Variants in FBXO31 observed in about 807,000 individuals in gnomAD.
The protein encoded by FBXO31 is F-box only protein 31.
A neutral mutation model predicts 54.4 loss-of-function variants in FBXO31; 24 were observed. The ratio of observed to expected loss-of-function variants is 0.44; its 90% CI spans 0.32 to 0.62. FBXO31 has a LOEUF of 0.62. Among genes scored for constraint, FBXO31 ranks in the 20% least tolerant of loss-of-function variants. The probability of loss-of-function intolerance (pLI) is 0.05; values close to 1 mark genes in which losing one functional copy is unlikely to be tolerated. For synonymous variants in FBXO31, 388 were observed against 335.6 expected (o/e 1.16, Z -1.71); for missense variants, 665 against 787.1 (o/e 0.84, Z 1.86).
upstream of FBXO31, among the ~76,000 whole-genome samples, chr16:87,386,873 G>A (rs746200943): frequency 1.3e-5 from 2 of 152,202 alleles, no homozygotes; most frequent in Non-Finnish European, 2.9e-5. Flanking sequence ...AACCATAGAA[G>A]ATGGTTGGTG....
In FBXO31 at chr16:87,345,329, C is replaced by T. The variant is rs892336505; in HGVS notation, c.490-1564G>A. On this transcript the variant is annotated intron_variant, in intron 3 of 8. Coordinates refer to ENST00000311635, the MANE Select transcript of FBXO31 (RefSeq NM_024735.5). This position sits in a 1 kb window ranked among gnomAD's most constrained non-coding sequence, Gnocchi z 4.9. ...CTCCAGCAGGAGGGTGCGGGGAGGG[C>T]GGGAGGCAGGGTGGGAGGGAGGGAG... Among the ~76,000 whole-genome samples the T allele has an allele frequency of 4.7e-4, 5 of 10,546 alleles. No homozygotes were observed. The highest frequency in any genetic ancestry group is 1.2e-3 in the Admixed American group (1 of 812). 6.9% of individuals were successfully genotyped at this position (10,546 alleles called of 152,430 possible). A position where few individuals can be genotyped will look rare whatever the true frequency, so the allele number is the denominator to read the frequency against.
At position 87,383,315 on chromosome 16, in the gene FBXO31, G is replaced by A. The variant is rs1340980511; in HGVS notation, c.340+90C>T. 3 of 1,244,670 alleles carry A rather than the reference G, an allele frequency of 2.4e-6. No individual in the cohort carries two copies. The highest frequency in any genetic ancestry group is 3.2e-6 in the Non-Finnish European group (3 of 940,152). 77.1% of individuals were successfully genotyped at this position (1,244,670 alleles called of 1,614,324 possible). A position where few individuals can be genotyped will look rare whatever the true frequency, so the allele number is the denominator to read the frequency against. ...GCGCCCAACTGGTGGCCCCCGGCCG[G>A]GGCCACCGCCCCCGCCACTCCCAGC... is the stretch of plus-strand genomic sequence containing the variant. On this transcript the variant is annotated intron_variant, in intron 1 of 8. Coordinates refer to ENST00000311635, the MANE Select transcript of FBXO31 (RefSeq NM_024735.5). The surrounding 1 kb of genome is among the most constrained non-coding windows in gnomAD (Gnocchi z 4.9).
At chr16:87,353,783 C>T (rs1299181249) in intron 2 of FBXO31, among the ~76,000 whole-genome samples, 1 of 151,954 alleles carries the variant, frequency 6.6e-6, no homozygotes, top group African/African-American at 2.4e-5. Flanking sequence ...AAGGAGGCTC[C>T]GCAAGACCCT....
upstream of FBXO31, chr16:87,389,861 G>A (rs1022592952): frequency 3.3e-5 from 5 of 152,196 alleles, no homozygotes; most frequent in South Asian, 2.1e-4. Context: ...GGAAACCAGA[G>A]AGAATGTTTA....
intron 1 of FBXO31, among the ~76,000 whole-genome samples, chr16:87,368,882 C>T (rs920045002): frequency 6.6e-6 from 1 of 152,158 alleles, no homozygotes; most frequent in African/African-American, 2.4e-5. Flanking sequence ...TCACTGCAAC[C>T]TCCACCTCCC....
chr16:87,340,876 G>A (rs1905172388), intron 5 of FBXO31, among the ~76,000 whole-genome samples: 1 of 152,052 alleles, frequency 6.6e-6, no homozygotes. Flanking sequence ...AAAGGAATAA[G>A]AAAAAAACCT....
upstream of FBXO31, chr16:87,389,867 G>C (rs1298424160): frequency 6.6e-6 from 1 of 152,224 alleles, no homozygotes; most frequent in Non-Finnish European, 1.5e-5. Context: ...CAGAGAGAAT[G>C]TTTAAGTACT....
intron 2 of FBXO31, among the ~76,000 whole-genome samples, chr16:87,354,513 G>A (rs537139199): frequency 6.6e-6 from 1 of 151,154 alleles, no homozygotes; most frequent in Non-Finnish European, 1.5e-5. Flanking sequence ...CTTCACCAAC[G>A]TGCAGAGAAG....
At chr16:87,362,255 C>A (rs543391701) in intron 1 of FBXO31, among the ~76,000 whole-genome samples, 4 of 152,198 alleles carry the variant, frequency 2.6e-5, no homozygotes, top group South Asian at 4.2e-4. Context: ...TTTTATTTAA[C>A]TCAGCATAAC....
chr16:87,353,047 C>T (rs899305891), intron 2 of FBXO31, among the ~76,000 whole-genome samples: 7 of 152,126 alleles, frequency 4.6e-5, no homozygotes, highest in African/African-American at 7.2e-5. Context: ...GGGGACTCTA[C>T]GGAAGAAATT....
At chr16:87,332,058 T>G (rs1444149305) in intron 8 of FBXO31, among the ~76,000 whole-genome samples, 1 of 152,214 alleles carries the variant, frequency 6.6e-6, no homozygotes, top group Non-Finnish European at 1.5e-5. Flanking sequence ...ATGTCTGTCT[T>G]GCAAGCAGCT....
chr16:87,349,782 A>T (rs982420740), intron 2 of FBXO31, among the ~76,000 whole-genome samples: 1 of 150,610 alleles, frequency 6.6e-6, no homozygotes, highest in African/African-American at 2.5e-5. Flanking sequence ...TGGTGGCATG[A>T]GTTATGGTCC....
intron 2 of FBXO31, among the ~76,000 whole-genome samples, chr16:87,351,037 C>T (rs931912411): frequency 6.6e-6 from 1 of 152,208 alleles, no homozygotes; most frequent in Non-Finnish European, 1.5e-5. Flanking sequence ...CTGTGACGGC[C>T]ACCAAAACCA....
chr16:87,385,539 A>C (rs1907300307), upstream of FBXO31, among the ~76,000 whole-genome samples: 1 of 152,236 alleles, frequency 6.6e-6, no homozygotes, highest in Admixed American at 6.5e-5. Context: ...AACCACATAG[A>C]TAAATACATA....
intron 1 of FBXO31, among the ~76,000 whole-genome samples, chr16:87,361,014 C>T (rs1906109602): frequency 6.6e-6 from 1 of 152,202 alleles, no homozygotes; most frequent in Non-Finnish European, 1.5e-5. Context: ...TTTTCACAAT[C>T]ACCAACACCC....
intron 1 of FBXO31, among the ~76,000 whole-genome samples, chr16:87,369,300 TC>T (rs1012343312): frequency 2.6e-5 from 4 of 152,056 alleles, no homozygotes; most frequent in African/African-American, 9.7e-5. Flanking sequence ...AAGAACCTTT[TC>T]ATCTTCCCAG....
At chr16:87,370,408 C>A (rs901736067) in intron 1 of FBXO31, among the ~76,000 whole-genome samples, 1 of 152,252 alleles carries the variant, frequency 6.6e-6, no homozygotes, top group African/African-American at 2.4e-5. Flanking sequence ...GAGAAAGGCA[C>A]CACACTAAGA....
intron 8 of FBXO31, 59 bp downstream of exon 8, chr16:87,333,827 G>A: frequency 6.5e-7 from 1 of 1,528,242 alleles, no homozygotes; most frequent in South Asian, 1.3e-5. Flanking sequence ...TGGGGCTGGG[G>A]CCCTCGCTGA....
At chr16:87,379,071 A>G (rs1004761050) in intron 1 of FBXO31, among the ~76,000 whole-genome samples, 1 of 152,186 alleles carries the variant, frequency 6.6e-6, no homozygotes, top group Non-Finnish European at 1.5e-5. Context: ...AAATAAAAAT[A>G]AGCAAAAGAA....
Sources: allele counts gnomAD v4.1 joint callset (sites outside exome capture counted in the v4.1 genomes callset), GRCh38; gene constraint gnomAD v4.1.1; non-coding constraint Gnocchi (gnomAD v3.1); transcripts MANE v1.5; gene names NCBI Gene and HGNC (gene_info 2026-07-23, HGNC 2026-07-21).